The following SPINK5 variants were observed in gnomAD, a reference collection of about 807,000 sequenced individuals.
SPINK5 encodes serine peptidase inhibitor Kazal type 5.
Under a neutral mutation model 151.8 loss-of-function variants are expected in SPINK5, and 125 were observed. The ratio of observed to expected loss-of-function variants is 0.82; its 90% CI spans 0.71 to 0.96. SPINK5 has a LOEUF of 0.96. SPINK5 is among the 40% of genes least tolerant of loss of function. SPINK5 has a pLI of 0.00. For synonymous variants in SPINK5, 374 were observed against 395.3 expected (o/e 0.95, Z 0.64); for missense variants, 1,194 against 1,291.9 (o/e 0.92, Z 1.16).
intron 18 of SPINK5, among the ~76,000 whole-genome samples, chr5:148,110,134 T>C (rs1050353129): frequency 5.9e-5 from 9 of 152,338 alleles, no homozygotes; most frequent in Admixed American, 1.3e-4. Context: ...ATATTAGCTT[T>C]CTCACTTATA....
At chr5:148,099,056 A>G (rs1186742767) in intron 11 of SPINK5, among the ~76,000 whole-genome samples, 178 bp from the exon 12 acceptor site, 5 of 151,246 alleles carry the variant, frequency 3.3e-5, no homozygotes, top group African/African-American at 1.2e-4. Flanking sequence ...CATTATGAAG[A>G]AATCATAGCA....
rs1159209367 is a variant in SPINK5 at position 148,123,521 on chromosome 5, G to GTATATATATA, written c.2539-291_2539-282dup. ...TGGAGTGCAGTGGTGCAATATATGT[G>GTATATATATA]TATATATATATATATATATATATAT... On this transcript the variant is annotated intron_variant, in intron 26 of 32. Transcript: ENST00000256084. 2.6e-3 allele frequency among the ~76,000 whole-genome samples: 65 copies of GTATATATATA among 25,002 alleles called. 1 individual carries two copies. The highest frequency in any genetic ancestry group is 4.3e-3 in the African/African-American group (54 of 12,570). The allele number at this position is 25,002 out of a possible 152,430, so 16.4% of individuals were successfully genotyped here. A position where few individuals can be genotyped will look rare whatever the true frequency, so the allele number is the denominator to read the frequency against.
intron 2 of SPINK5, among the ~76,000 whole-genome samples, chr5:148,068,722 T>C (rs1752656518): frequency 6.6e-6 from 1 of 151,992 alleles, no homozygotes; most frequent in Non-Finnish European, 1.5e-5. Flanking sequence ...TGTTTCCTGA[T>C]ACAAGCAACT....
intron 2 of SPINK5, 165 bp downstream of exon 2, chr5:148,065,537 CCT>C (rs918820015): frequency 4.7e-6 from 3 of 640,960 alleles, no homozygotes; most frequent in Non-Finnish European, 7.9e-6. Flanking sequence ...AGGACATGAG[CCT>C]CTCTCTCACA....
intron 12 of SPINK5, 28 bp downstream of exon 12, chr5:148,099,343 A>G: frequency 1.9e-6 from 3 of 1,599,162 alleles, no homozygotes; most frequent in African/African-American, 1.3e-5. Context: ...AATAAATCCT[A>G]TTTGGTGCTA....
chr5:148,125,460 T>C (rs1029196475), intron 28 of SPINK5: 2 of 1,447,550 alleles, frequency 1.4e-6, no homozygotes, highest in Non-Finnish European at 1.9e-6. Flanking sequence ...GAAGGATGGA[T>C]GAACGGGAGA....
intron 4 of SPINK5, among the ~76,000 whole-genome samples, chr5:148,073,789 T>A (rs1288669536): frequency 6.8e-6 from 1 of 146,056 alleles, no homozygotes; most frequent in Non-Finnish European, 1.5e-5. Context: ...ATAAAATTAC[T>A]TTTTGTTAAT....
intron 24 of SPINK5, 131 bp from the exon 25 acceptor site, chr5:148,119,876 TGG>T: frequency 1.1e-6 from 1 of 905,416 alleles, no homozygotes; most frequent in Non-Finnish European, 1.7e-6. Context: ...TCTCTCTCTG[TGG>T]GACATTATTT....
intron 29 of SPINK5, among the ~76,000 whole-genome samples, chr5:148,126,231 A>G (rs1404396179): frequency 1.3e-5 from 2 of 152,186 alleles, no homozygotes; most frequent in African/African-American, 4.8e-5. Context: ...TCTTGGGGCT[A>G]TGGAATTTGT....
At chr5:148,096,729 T>G (rs1170934321) in intron 10 of SPINK5, among the ~76,000 whole-genome samples, 1 of 146,776 alleles carries the variant, frequency 6.8e-6, no homozygotes, top group Non-Finnish European at 1.5e-5. Flanking sequence ...TTTCTTTTTT[T>G]CTTTTTCTTT....
In SPINK5 at chr5:148,107,178, C is replaced by G; in HGVS notation, c.1607+14C>G. ...TGCCAGTGTGTTGTGAGTGTCCACC[C>G]CATCTCTCCCACTGAATTTCTTCAT... On this transcript the variant is annotated intron_variant, in intron 17 of 32. Coordinates refer to ENST00000256084, the MANE Select transcript of SPINK5 (RefSeq NM_006846.4). The G allele has an allele frequency of 6.2e-7, 1 of 1,609,690 alleles. No individual in the cohort carries two copies. Among genetic ancestry groups the G allele is most frequent in the Non-Finnish European group, 8.5e-7 (1 of 1,177,324 alleles).
At chr5:148,087,975 TATC>T (rs1561681353) in intron 5 of SPINK5, among the ~76,000 whole-genome samples, 2 of 152,016 alleles carry the variant, frequency 1.3e-5, no homozygotes, top group East Asian at 1.9e-4. Context: ...TTACAGATGT[TATC>T]ATTGTAATCT....
At chr5:148,124,727 GA>G in intron 27 of SPINK5, 37 bp from the exon 28 acceptor site, 1 of 1,485,436 alleles carries the variant, frequency 6.7e-7, no homozygotes. Context: ...AACAACCCTT[GA>G]AAAATTACCC....
chr5:148,088,461 A>G (rs1753218303), intron 5 of SPINK5, 81 bp from the exon 6 acceptor site: 2 of 1,218,792 alleles, frequency 1.6e-6, no homozygotes, highest in East Asian at 2.3e-5. Context: ...GAGAATGACA[A>G]TGCAATGTAG....
intron 2 of SPINK5, 197 bp downstream of exon 2, chr5:148,065,569 A>T: frequency 7.1e-6 from 4 of 567,206 alleles, no homozygotes; most frequent in Non-Finnish European, 9.4e-6. Context: ...ACACACACAC[A>T]CACTCAACAT....
rs1754716187 is a variant in SPINK5, at chr5:148,137,159, C to T, written c.*168C>T. ...CACTGATTTTCAGTCTTTTCCATCT[C>T]TTTCCTCCTAGACTCTGTGATCTGA... On this transcript the variant is annotated 3_prime_UTR_variant, in exon 33 of 33. Coordinates refer to ENST00000256084, the MANE Select transcript of SPINK5 (RefSeq NM_006846.4). The T allele has an allele frequency of 1.2e-6, 1 of 859,358 alleles. No individual in the cohort carries two copies. The highest frequency in any genetic ancestry group is 1.9e-6 in the Non-Finnish European group (1 of 527,842). 53.2% of individuals were successfully genotyped at this position (859,358 alleles called of 1,614,324 possible).
At chr5:148,089,473 G>A in intron 6 of SPINK5, 21 bp from the exon 7 acceptor site, 1 of 1,611,388 alleles carries the variant, frequency 6.2e-7, no homozygotes, top group Non-Finnish European at 8.5e-7. Context: ...TAAGTTTCAA[G>A]TTCTTTTCCC....
chr5:148,090,823 A>C (rs1753288556), intron 7 of SPINK5: 1 of 249,154 alleles, frequency 4.0e-6, no homozygotes, highest in Non-Finnish European at 7.8e-6. Context: ...TTTTCCTGAC[A>C]ATCTTCTGTT....
At chr5:148,111,540 G>C (rs2113156924) in intron 18 of SPINK5, among the ~76,000 whole-genome samples, 1 of 152,202 alleles carries the variant, frequency 6.6e-6, no homozygotes, top group South Asian at 2.1e-4. Context: ...ACAGTGCCTA[G>C]TGCAGAATAA....
Sources: allele counts gnomAD v4.1 joint callset (sites outside exome capture counted in the v4.1 genomes callset), GRCh38; gene constraint gnomAD v4.1.1; transcripts MANE v1.5; gene names NCBI Gene and HGNC (gene_info 2026-07-23, HGNC 2026-07-21).